The following TTLL7 variants were observed in gnomAD, a reference collection of about 807,000 sequenced individuals.
The protein encoded by TTLL7 is tubulin polyglutamylase TTLL7.
Under a neutral mutation model 120.2 loss-of-function variants are expected in TTLL7, and 53 were observed. That is an observed-to-expected ratio of 0.44 (90% CI 0.35 to 0.55). TTLL7 has a LOEUF of 0.55. TTLL7 is among the 20% of genes least tolerant of loss of function. The pLI is 0.00. For missense variants in TTLL7, 803 were observed against 1,054.7 expected, an observed-to-expected ratio of 0.76 and a Z score of 3.31; for synonymous variants, 353 against 351.7, an observed-to-expected ratio of 1.00 and a Z score of -0.04.
At chr1:83,968,599 G>A (rs1489016931) in intron 1 of TTLL7, among the ~76,000 whole-genome samples, 1 of 151,990 alleles carries the variant, frequency 6.6e-6, no homozygotes, top group East Asian at 1.9e-4. Context: ...ATACTGACCT[G>A]GAAAACTGTC....
intron 7 of TTLL7, among the ~76,000 whole-genome samples, chr1:83,940,057 G>A (rs1647801917): frequency 6.6e-6 from 1 of 152,084 alleles, no homozygotes; most frequent in Non-Finnish European, 1.5e-5. Context: ...TGACACTGCA[G>A]TATGAGAACA....
intron 1 of TTLL7, among the ~76,000 whole-genome samples, chr1:83,991,571 G>A (rs1458153139): frequency 6.6e-6 from 1 of 152,104 alleles, no homozygotes; most frequent in Admixed American, 6.5e-5. Flanking sequence ...TTGAGCCCAG[G>A]AATTTAAGGC....
chr1:83,879,937 AC>A (rs1030940341), intron 20 of TTLL7: 13 of 152,026 alleles, frequency 8.6e-5, no homozygotes, highest in African/African-American at 3.1e-4. Context: ...TACTTTGTGT[AC>A]CCACAAAAGC....
At chr1:83,984,435 A>C (rs994664084) in intron 1 of TTLL7, 1 of 152,210 alleles carries the variant, frequency 6.6e-6, no homozygotes, top group African/African-American at 2.4e-5. Flanking sequence ...ATCCAAAAGA[A>C]AATAAGTTGT....
intron 1 of TTLL7, among the ~76,000 whole-genome samples, chr1:83,958,626 G>C (rs1311537508): frequency 2.6e-5 from 4 of 152,030 alleles, no homozygotes; most frequent in African/African-American, 7.2e-5. Flanking sequence ...TCAGCACTTG[G>C]TTCCCAAACC....
intron 13 of TTLL7, among the ~76,000 whole-genome samples, chr1:83,917,953 GTA>G (rs1257444709): frequency 6.6e-6 from 1 of 152,030 alleles, no homozygotes; most frequent in African/African-American, 2.4e-5. Context: ...GTACAGTATA[GTA>G]TTAAAATCTT....
At chr1:83,918,241 A>G (rs967475675) in intron 13 of TTLL7, among the ~76,000 whole-genome samples, 5 of 152,156 alleles carry the variant, frequency 3.3e-5, no homozygotes, top group African/African-American at 1.2e-4. Flanking sequence ...TTTTCATTCT[A>G]TAGTCATCAA....
At chr1:83,924,409 A>G (rs562560896) in intron 10 of TTLL7, among the ~76,000 whole-genome samples, 1 of 152,336 alleles carries the variant, frequency 6.6e-6, no homozygotes, top group South Asian at 2.1e-4. Flanking sequence ...ATTCTGACAC[A>G]TGATGCAACA....
intron 1 of TTLL7, among the ~76,000 whole-genome samples, chr1:83,967,551 G>A (rs1442696349): frequency 6.6e-6 from 1 of 152,040 alleles, no homozygotes; most frequent in Non-Finnish European, 1.5e-5. Context: ...GACTGACTCA[G>A]GAATGAGCTA....
chr1:83,924,893 A>T (rs1658981521), intron 10 of TTLL7, among the ~76,000 whole-genome samples: 1 of 152,196 alleles, frequency 6.6e-6, no homozygotes, highest in Admixed American at 6.5e-5. Flanking sequence ...AAGAACAAGA[A>T]ATGATGAGGT....
chr1:83,984,480 T>C (rs1361678523), intron 1 of TTLL7, among the ~76,000 whole-genome samples: 1 of 152,222 alleles, frequency 6.6e-6, no homozygotes, highest in Non-Finnish European at 1.5e-5. Context: ...GTATAATATG[T>C]TCACTGCAGC....
intron 18 of TTLL7, among the ~76,000 whole-genome samples, chr1:83,892,407 TATATATGAACATATATATGAAC>T (rs1655640347): frequency 7.9e-6 from 1 of 127,250 alleles, no homozygotes; most frequent in Non-Finnish European, 1.7e-5. Flanking sequence ...TATATGAACA[TATATATGAACATATATATGAAC>T]ATATATATGA....
At chr1:83,892,924 AAAAG>A (rs1440783861) in intron 18 of TTLL7, among the ~76,000 whole-genome samples, 3 of 78,938 alleles carry the variant, frequency 3.8e-5, no homozygotes, top group African/African-American at 1.7e-4. Context: ...AAAAGAAAGA[AAAAG>A]AGAAAGAAAG....
intron 1 of TTLL7, among the ~76,000 whole-genome samples, chr1:83,956,577 G>A (rs900820322): frequency 2.6e-5 from 4 of 151,968 alleles, no homozygotes; most frequent in Non-Finnish European, 5.9e-5. Flanking sequence ...ACAGGCATGC[G>A]CCACCACACC....
chr1:83,905,339 T>C (rs1657092192), intron 17 of TTLL7, among the ~76,000 whole-genome samples: 1 of 151,814 alleles, frequency 6.6e-6, no homozygotes, highest in Non-Finnish European at 1.5e-5. Flanking sequence ...CAGTACATAA[T>C]ATAAATTCTA....
intron 18 of TTLL7, among the ~76,000 whole-genome samples, chr1:83,902,958 C>T (rs1252255990): frequency 6.6e-6 from 1 of 151,966 alleles, no homozygotes; most frequent in African/African-American, 2.4e-5. Flanking sequence ...GCTCTTGCCT[C>T]GGTTACCCTA....
intron 19 of TTLL7, among the ~76,000 whole-genome samples, chr1:83,885,688 T>C (rs1169152894): frequency 6.6e-6 from 1 of 152,024 alleles, no homozygotes; most frequent in Admixed American, 6.6e-5. Flanking sequence ...CCTAGGGCAG[T>C]GGGTGCCCCC....
chr1:83,886,592 T>C (rs1409236092), intron 19 of TTLL7, among the ~76,000 whole-genome samples: 1 of 152,056 alleles, frequency 6.6e-6, no homozygotes, highest in Non-Finnish European at 1.5e-5. Context: ...AAATTTCTTC[T>C]TGCCCTAAGA....
intron 6 of TTLL7, 136 bp downstream of exon 6, chr1:83,946,988 C>T: frequency 1.5e-6 from 1 of 652,630 alleles, no homozygotes; most frequent in Non-Finnish European, 2.3e-6. Context: ...TATTTGGTTC[C>T]AAAACTACAA....
Sources: gnomAD v4.1 joint callset for allele counts (sites outside exome capture counted in the v4.1 genomes callset) on GRCh38, gnomAD v4.1.1 for gene constraint, MANE v1.5 for transcripts, NCBI Gene and HGNC (gene_info 2026-07-23, HGNC 2026-07-21) for gene names.